The following NRXN1 variants were observed in gnomAD, a reference collection of about 807,000 sequenced individuals.
NRXN1 encodes the protein neurexin 1.
Under a neutral mutation model 150.9 loss-of-function variants are expected in NRXN1, and 39 were observed. The observed-to-expected ratio is 0.26, with a 90% confidence interval of 0.20 to 0.34. The LOEUF is 0.34. Ranked by LOEUF, NRXN1 falls within the 10% of genes least tolerant of loss-of-function variation. NRXN1 has a pLI of 1.00. For synonymous variants in NRXN1, 924 were observed against 757.0 expected (o/e 1.22, Z -3.62); for missense variants, 1,815 against 1,949.9 (o/e 0.93, Z 1.30).
intron 5 of NRXN1, among the ~76,000 whole-genome samples, chr2:50,789,480 T>C (rs925712765): frequency 2.6e-4 from 40 of 152,196 alleles, no homozygotes; most frequent in African/African-American, 9.2e-4. Flanking sequence ...CTTCATGCTA[T>C]AGTAGGAAAG....
intron 5 of NRXN1, among the ~76,000 whole-genome samples, chr2:50,825,666 A>T (rs567188329): frequency 6.6e-6 from 1 of 152,314 alleles, no homozygotes; most frequent in Admixed American, 6.5e-5. Flanking sequence ...CCAAATGTAA[A>T]GTATTAAGTG....
At chr2:50,276,311 G>A (rs1292216115) in intron 17 of NRXN1, among the ~76,000 whole-genome samples, 1 of 152,002 alleles carries the variant, frequency 6.6e-6, no homozygotes, top group African/African-American at 2.4e-5. Context: ...CTGTCTCTTT[G>A]GACCAATAAA....
chr2:50,513,352 T>C (rs924975397), intron 12 of NRXN1, among the ~76,000 whole-genome samples: 6 of 152,262 alleles, frequency 3.9e-5, no homozygotes, highest in African/African-American at 1.2e-4. Flanking sequence ...CATCCACAAT[T>C]TTTATTTGAA....
intron 6 of NRXN1, among the ~76,000 whole-genome samples, chr2:50,621,928 T>C (rs1680093830): frequency 6.6e-6 from 1 of 152,164 alleles, no homozygotes; most frequent in South Asian, 2.1e-4. Flanking sequence ...GAGCTACCAA[T>C]TCGCAGTTTG....
intron 17 of NRXN1, among the ~76,000 whole-genome samples, chr2:50,447,157 T>A (rs948967947): frequency 1.3e-5 from 2 of 152,076 alleles, no homozygotes; most frequent in Non-Finnish European, 2.9e-5. Flanking sequence ...TTTGACATTT[T>A]TTCTGGCCCT....
At chr2:50,411,804 T>G (rs1048211270) in intron 17 of NRXN1, among the ~76,000 whole-genome samples, 1 of 152,134 alleles carries the variant, frequency 6.6e-6, no homozygotes, top group Non-Finnish European at 1.5e-5. Context: ...TGCCACCCCG[T>G]CCCGGAGGTG....
At position 49,919,144 on chromosome 2, in the gene NRXN1, TAC is replaced by T. The variant is rs1274555743; in HGVS notation, c.*2798_*2799del. On this transcript the variant is annotated 3_prime_UTR_variant, in exon 23 of 23. Coordinates refer to ENST00000401669, the MANE Select transcript of NRXN1 (RefSeq NM_001330078.2). ...AAGAAGCATAATCAATCAGAAAAGT[TAC>T]AGTCTAGAGATGTAATCAAATTTAT... 2 of 152,108 alleles carry T rather than the reference TAC, an allele frequency of 1.3e-5. No homozygotes were observed. The highest frequency in any genetic ancestry group is 1.5e-5 in the Non-Finnish European group (1 of 67,976). 9.4% of individuals were successfully genotyped at this position (152,108 alleles called of 1,614,324 possible).
chr2:50,460,195 G>A (rs565514255), intron 17 of NRXN1, among the ~76,000 whole-genome samples: 4 of 152,154 alleles, frequency 2.6e-5, no homozygotes, highest in East Asian at 3.9e-4. Flanking sequence ...CTATAAGATC[G>A]ATGATGAAGA....
chr2:50,568,725 C>T (rs1365841641), intron 8 of NRXN1, among the ~76,000 whole-genome samples: 1 of 152,100 alleles, frequency 6.6e-6, no homozygotes, highest in Non-Finnish European at 1.5e-5. Context: ...CTACAGAGAA[C>T]AGTTTGGAGT....
chr2:50,578,706 T>C (rs1196712122), intron 8 of NRXN1, among the ~76,000 whole-genome samples: 3 of 152,110 alleles, frequency 2.0e-5, no homozygotes, highest in East Asian at 3.9e-4. Context: ...GTGTATGTTA[T>C]AATAAATTAA....
intron 5 of NRXN1, among the ~76,000 whole-genome samples, chr2:50,751,104 G>A (rs74814705): frequency 2.9e-3 from 436 of 152,010 alleles, no homozygotes; most frequent in African/African-American, 0.01. Context: ...CCAGGACATG[G>A]GTTACATGCA....
At chr2:50,246,485 TGTTA>T (rs771264443) in intron 17 of NRXN1, among the ~76,000 whole-genome samples, 12 of 152,110 alleles carry the variant, frequency 7.9e-5, no homozygotes, top group South Asian at 6.2e-4. Context: ...TATTTCCTAA[TGTTA>T]GTTCTACTCA....
At chr2:50,058,417 G>T (rs1377800894) in intron 19 of NRXN1, among the ~76,000 whole-genome samples, 1 of 152,130 alleles carries the variant, frequency 6.6e-6, no homozygotes, top group Non-Finnish European at 1.5e-5. Context: ...TTAAACTGAA[G>T]AACTTTTTAA....
intron 18 of NRXN1, among the ~76,000 whole-genome samples, chr2:50,101,691 C>T (rs1700997195): frequency 6.6e-6 from 1 of 152,000 alleles, no homozygotes; most frequent in Non-Finnish European, 1.5e-5. Flanking sequence ...ATTTTCAGTG[C>T]TTCCATTGAT....
intron 10 of NRXN1, among the ~76,000 whole-genome samples, chr2:50,532,661 G>A: frequency 6.6e-6 from 1 of 152,086 alleles, no homozygotes; most frequent in Non-Finnish European, 1.5e-5. Flanking sequence ...TAAGCATGGG[G>A]GTGGGACTGG....
At chr2:50,742,912 A>G (rs536584289) in intron 5 of NRXN1, among the ~76,000 whole-genome samples, 1 of 152,308 alleles carries the variant, frequency 6.6e-6, no homozygotes, top group South Asian at 2.1e-4. Flanking sequence ...TTCAGTAGAT[A>G]GACCCAAAAT....
intron 5 of NRXN1, among the ~76,000 whole-genome samples, chr2:50,784,801 A>C (rs1380446212): frequency 6.6e-6 from 1 of 152,030 alleles, no homozygotes. Flanking sequence ...GACCTGGACA[A>C]GGGTGATGGT....
At chr2:50,002,570 G>C (rs1684125620) in intron 21 of NRXN1, among the ~76,000 whole-genome samples, 1 of 152,098 alleles carries the variant, frequency 6.6e-6, no homozygotes, top group Non-Finnish European at 1.5e-5. Flanking sequence ...CTTTTTGAGA[G>C]TGGGAATGAG....
intron 17 of NRXN1, among the ~76,000 whole-genome samples, chr2:50,413,092 T>A (rs2083303379): frequency 6.6e-6 from 1 of 151,994 alleles, no homozygotes; most frequent in Non-Finnish European, 1.5e-5. Context: ...TGGAATCACA[T>A]CACGTTAAAA....
Sources: allele counts gnomAD v4.1 joint callset (sites outside exome capture counted in the v4.1 genomes callset), GRCh38; gene constraint gnomAD v4.1.1; transcripts MANE v1.5; gene names NCBI Gene and HGNC (gene_info 2026-07-23, HGNC 2026-07-21).